Variants in PPP2R5C observed in about 807,000 individuals in gnomAD.
PPP2R5C encodes serine/threonine-protein phosphatase 2A 56 kDa regulatory subunit gamma isoform.
A neutral mutation model predicts 68.9 loss-of-function variants in PPP2R5C; 7 were observed. That is an observed-to-expected ratio of 0.10 (90% CI 0.06 to 0.19). The LOEUF (loss-of-function observed/expected upper bound fraction) is 0.19. PPP2R5C is among the 10% of genes least tolerant of loss of function. The pLI, the probability that PPP2R5C is intolerant of heterozygous loss-of-function variation, is 1.00. For missense variants in PPP2R5C, 348 were observed against 641.3 expected, an observed-to-expected ratio of 0.54 and a Z score of 4.94; for synonymous variants, 210 against 222.2, an observed-to-expected ratio of 0.95 and a Z score of 0.49.
chr14:101,893,124 A>C lies in PPP2R5C; in HGVS notation c.798+16A>C, dbSNP rs758686029. ...CCATCCCCAGGTAAGGGGCAGCAGG[A>C]CTCTAGGAACACAGCTGTTGGCATT... On this transcript the variant is annotated intron_variant, in intron 7 of 13. Transcript: ENST00000334743. 6.6e-6 allele frequency: 10 copies of C among 1,511,088 alleles called. No individual in the cohort carries two copies. Among genetic ancestry groups the C allele is most frequent in the Non-Finnish European group, 9.2e-6 (10 of 1,087,420 alleles). The allele number at this position is 1,511,088 out of a possible 1,614,324, so 93.6% of individuals were successfully genotyped here.
chr14:101,904,406 T>G (rs1418447269), intron 9 of PPP2R5C, among the ~76,000 whole-genome samples: 1 of 152,208 alleles, frequency 6.6e-6, no homozygotes, highest in African/African-American at 2.4e-5. Context: ...TGCCTCGGCC[T>G]CCCAAAGTGC....
chr14:101,775,154 T>G (rs776107409), intron 2 of PPP2R5C, among the ~76,000 whole-genome samples: 5 of 152,236 alleles, frequency 3.3e-5, no homozygotes, highest in Non-Finnish European at 7.3e-5. Context: ...GTATCTTTTT[T>G]GTTTGACTCT....
chr14:101,896,636 CAAAAAA>C (rs34603513), intron 8 of PPP2R5C, among the ~76,000 whole-genome samples: 8 of 110,418 alleles, frequency 7.2e-5, no homozygotes, highest in Non-Finnish European at 1.2e-4. Context: ...ACCCTGTCTC[CAAAAAA>C]AAAAAAAAAA....
intron 8 of PPP2R5C, among the ~76,000 whole-genome samples, chr14:101,895,170 C>G (rs1185682017): frequency 6.6e-6 from 1 of 152,124 alleles, no homozygotes; most frequent in Non-Finnish European, 1.5e-5. Context: ...CAAAGCCAGA[C>G]ATGTCAGGTG....
At chr14:101,775,389 T>C (rs2037364529) in intron 2 of PPP2R5C, among the ~76,000 whole-genome samples, 1 of 152,186 alleles carries the variant, frequency 6.6e-6, no homozygotes, top group South Asian at 2.1e-4. Context: ...TATTTCAAAG[T>C]AGAGAAACTA....
rs748225838 is a variant in PPP2R5C at position 101,835,001 on chromosome 14, GTGTTT to G, written c.95-21669_95-21665del. On this transcript the variant is annotated intron_variant, in intron 1 of 13. Transcript: ENST00000334743. The surrounding 1 kb of genome is among the most constrained non-coding windows in gnomAD (Gnocchi z 5.0). ...GCCTACTTGCCAGTGGCTTGGAGAA[GTGTTT>G]TGTTTTGTTTTGTTTACTTTTTAGG... Among the ~76,000 whole-genome samples, 4 of 152,166 alleles carry G rather than the reference GTGTTT, an allele frequency of 2.6e-5. No homozygotes were observed. Among genetic ancestry groups the G allele is most frequent in the South Asian group, 2.1e-4 (1 of 4,830 alleles).
chr14:101,793,040 G>A (rs1250103282), intron 3 of PPP2R5C, among the ~76,000 whole-genome samples: 2 of 152,002 alleles, frequency 1.3e-5, no homozygotes, highest in Non-Finnish European at 2.9e-5. Context: ...ACCATGCCCA[G>A]CTAATTTTTA....
chr14:101,919,981 A>AACAAAAAAAC (rs2046922255), intron 13 of PPP2R5C, among the ~76,000 whole-genome samples: 2 of 140,620 alleles, frequency 1.4e-5, no homozygotes, highest in Non-Finnish European at 3.0e-5. Flanking sequence ...AAAAAAAAAA[A>AACAAAAAAAC]AAAAAAAAAA....
At chr14:101,811,787 T>C (rs377020061) in intron 1 of PPP2R5C, among the ~76,000 whole-genome samples, 11 of 152,378 alleles carry the variant, frequency 7.2e-5, no homozygotes, top group East Asian at 3.9e-4. Flanking sequence ...AGATGCCTAA[T>C]ATACTACTCA....
intron 1 of PPP2R5C, among the ~76,000 whole-genome samples, chr14:101,834,424 C>T (rs763882856): frequency 3.3e-5 from 5 of 152,188 alleles, no homozygotes; most frequent in Non-Finnish European, 5.9e-5. Context: ...CTTGATGTGG[C>T]GTCTCAGTAC....
At chr14:101,840,013 A>G (rs1028454753) in intron 1 of PPP2R5C, among the ~76,000 whole-genome samples, 1 of 152,172 alleles carries the variant, frequency 6.6e-6, no homozygotes, top group African/African-American at 2.4e-5. Context: ...CTTCAAAAAT[A>G]AGTTATACAT....
chr14:101,791,416 G>A (rs2038359202), intron 3 of PPP2R5C, among the ~76,000 whole-genome samples: 1 of 151,980 alleles, frequency 6.6e-6, no homozygotes, highest in Non-Finnish European at 1.5e-5. Flanking sequence ...TCCCAGATAT[G>A]AGTCCTTTAT....
In PPP2R5C at chr14:101,797,470, G is replaced by C. The variant is rs1189579617; in HGVS notation, c.259+11287G>C. 2.8e-6 allele frequency: 1 copy of C among 355,420 alleles called. No individual in the cohort carries two copies. The highest frequency in any genetic ancestry group is 5.7e-6 in the Non-Finnish European group (1 of 176,292). 22.0% of individuals were successfully genotyped at this position (355,420 alleles called of 1,614,324 possible). ...TCCTGAAGGAATGAAAAGCCCTCCTGGCCCCTCTGCCCTCTTTCTCCACCC... is the reference window on the plus strand; with the variant it reads ...TCCTGAAGGAATGAAAAGCCCTCCTCGCCCCTCTGCCCTCTTTCTCCACCC... On this transcript the variant is annotated intron_variant, in intron 3 of 14. Coordinates refer to the PPP2R5C transcript ENST00000328724. The surrounding 1 kb of genome is among the most constrained non-coding windows in gnomAD (Gnocchi z 4.2).
chr14:101,918,248 C>T (rs2046794319), intron 13 of PPP2R5C, among the ~76,000 whole-genome samples: 1 of 134,234 alleles, frequency 7.4e-6, no homozygotes, highest in South Asian at 2.4e-4. Context: ...GCTTCACAGC[C>T]ATATCCACCC....
At chr14:101,836,378 C>T in intron 1 of PPP2R5C, 2 of 702,324 alleles carry the variant, frequency 2.8e-6, no homozygotes, top group Non-Finnish European at 5.2e-6. Context: ...TCTGCCTCTA[C>T]TCCCGACCTG....
chr14:101,809,234 C>T (rs868452555), upstream of PPP2R5C, among the ~76,000 whole-genome samples: 3 of 151,766 alleles, frequency 2.0e-5, no homozygotes, highest in Admixed American at 6.6e-5. Context: ...TCATTTTCTA[C>T]GTAAGTTTTT....
intron 13 of PPP2R5C, among the ~76,000 whole-genome samples, chr14:101,920,733 C>T (rs1363470650): frequency 6.6e-6 from 1 of 152,160 alleles, no homozygotes; most frequent in African/African-American, 2.4e-5. Flanking sequence ...AGTTGGAAGA[C>T]TAATAATACT....
At chr14:101,763,240 G>A (rs997144759) in intron 2 of PPP2R5C, among the ~76,000 whole-genome samples, 19 of 151,696 alleles carry the variant, frequency 1.3e-4, no homozygotes, top group African/African-American at 4.6e-4. Flanking sequence ...ATTTTTTTGA[G>A]ACGGGGTCTC....
At chr14:101,826,255 A>C (rs2040392801) in intron 1 of PPP2R5C, among the ~76,000 whole-genome samples, 2 of 152,312 alleles carry the variant, frequency 1.3e-5, no homozygotes, top group South Asian at 4.1e-4. Context: ...CATTCTTCTA[A>C]GAGTTTTTTA....
Sources: gnomAD v4.1 joint callset for allele counts (sites outside exome capture counted in the v4.1 genomes callset) on GRCh38, gnomAD v4.1.1 for gene constraint, Gnocchi (gnomAD v3.1) non-coding constraint, MANE v1.5 for transcripts, NCBI Gene and HGNC (gene_info 2026-07-23, HGNC 2026-07-21) for gene names.